Variants in RBFOX1 observed in about 807,000 individuals in gnomAD.
RBFOX1 encodes RNA binding protein fox-1 homolog 1.
Under a neutral mutation model 57.7 loss-of-function variants are expected in RBFOX1, and 8 were observed. That is an observed-to-expected ratio of 0.14 (90% CI 0.08 to 0.25). The LOEUF (loss-of-function observed/expected upper bound fraction) is 0.25. Ranked by LOEUF, RBFOX1 falls within the 10% of genes least tolerant of loss-of-function variation. RBFOX1 has a pLI of 1.00. For missense variants in RBFOX1, 611 were observed against 548.5 expected (o/e 1.11, Z -1.14); for synonymous variants, 326 against 222.4 (o/e 1.47, Z -4.15).
chr16:6,915,032 G>C (rs890116574), intron 3 of RBFOX1, among the ~76,000 whole-genome samples: 1 of 152,198 alleles, frequency 6.6e-6, no homozygotes, highest in Non-Finnish European at 1.5e-5. Flanking sequence ...AGTCGGCTTT[G>C]CTCATCCGTA....
chr16:6,904,970 C>G (rs182518768), intron 3 of RBFOX1, among the ~76,000 whole-genome samples: 2 of 152,096 alleles, frequency 1.3e-5, no homozygotes, highest in Admixed American at 6.5e-5. Context: ...ATGAAGCCTC[C>G]CTGGCAGCCA....
intron 2 of RBFOX1, among the ~76,000 whole-genome samples, chr16:6,504,117 G>GGT (rs1324661600): frequency 6.6e-6 from 1 of 152,138 alleles, no homozygotes; most frequent in African/African-American, 2.4e-5. Context: ...CCAGAGGTAA[G>GGT]GTAGTCAGTA....
intron 3 of RBFOX1, among the ~76,000 whole-genome samples, chr16:6,681,739 A>G (rs2058683658): frequency 6.6e-6 from 1 of 152,086 alleles, no homozygotes; most frequent in Non-Finnish European, 1.5e-5. Flanking sequence ...ATTGATAATA[A>G]TATAATTAAT....
chr16:5,905,279 C>G (rs868500380), intron 4 of RBFOX1, among the ~76,000 whole-genome samples: 1 of 151,634 alleles, frequency 6.6e-6, no homozygotes, highest in Non-Finnish European at 1.5e-5. Flanking sequence ...TCTAGAACTC[C>G]GGACCTCAGG....
chr16:7,366,919 AT>A (rs2097461538), intron 4 of RBFOX1, among the ~76,000 whole-genome samples: 1 of 152,136 alleles, frequency 6.6e-6, no homozygotes, highest in African/African-American at 2.4e-5. Flanking sequence ...AAATCATTTA[AT>A]TTTGAGCATG....
intron 3 of RBFOX1, among the ~76,000 whole-genome samples, chr16:6,706,173 C>T (rs573385718): frequency 6.6e-6 from 1 of 152,296 alleles, no homozygotes; most frequent in South Asian, 2.1e-4. Flanking sequence ...AAACTTTTTA[C>T]TGCTCCCGTG....
chr16:6,361,426 G>A (rs1287509399), intron 2 of RBFOX1, among the ~76,000 whole-genome samples: 3 of 151,934 alleles, frequency 2.0e-5, no homozygotes, highest in Admixed American at 6.6e-5. Context: ...TCAGGAGTTC[G>A]AGACCAGCCT....
At chr16:5,898,324 C>T (rs2058216967) in intron 4 of RBFOX1, among the ~76,000 whole-genome samples, 1 of 152,018 alleles carries the variant, frequency 6.6e-6, no homozygotes, top group African/African-American at 2.4e-5. Context: ...ATGGCCAAAC[C>T]ATGTCAGGGT....
chr16:6,653,543 C>G (rs1318848697), intron 2 of RBFOX1, among the ~76,000 whole-genome samples: 1 of 151,706 alleles, frequency 6.6e-6, no homozygotes. Context: ...CCTTTTCGTA[C>G]CAGGACAACA....
chr16:7,397,731 C>G (rs2098165980), intron 4 of RBFOX1, among the ~76,000 whole-genome samples: 1 of 152,154 alleles, frequency 6.6e-6, no homozygotes, highest in South Asian at 2.1e-4. Flanking sequence ...CATGTGTATT[C>G]ACTCTTAGTT....
intron 5 of RBFOX1, among the ~76,000 whole-genome samples, chr16:7,562,828 A>T (rs1368828599): frequency 6.6e-6 from 1 of 152,238 alleles, no homozygotes; most frequent in Non-Finnish European, 1.5e-5. Flanking sequence ...GAAACACTCT[A>T]TGCCCACTGT....
intron 4 of RBFOX1, among the ~76,000 whole-genome samples, chr16:6,000,256 G>T (rs1041736694): frequency 5.3e-5 from 8 of 152,150 alleles, no homozygotes; most frequent in African/African-American, 1.9e-4. Flanking sequence ...TGGAAGTAGT[G>T]GGACAAACCG....
At chr16:6,886,055 ATT>A (rs71147619) in intron 3 of RBFOX1, among the ~76,000 whole-genome samples, 11 of 144,786 alleles carry the variant, frequency 7.6e-5, no homozygotes, top group African/African-American at 2.3e-4. Flanking sequence ...CAGTGAAAGT[ATT>A]TTTTTTTTCT....
intron 4 of RBFOX1, among the ~76,000 whole-genome samples, chr16:7,101,758 C>G (rs1329128209): frequency 6.6e-6 from 1 of 152,090 alleles, no homozygotes; most frequent in Non-Finnish European, 1.5e-5. Flanking sequence ...GCTCTGATGC[C>G]TGTCCTGGTC....
At chr16:7,540,977 G>C (rs1396313104) in intron 5 of RBFOX1, among the ~76,000 whole-genome samples, 3 of 152,138 alleles carry the variant, frequency 2.0e-5, no homozygotes, top group Non-Finnish European at 2.9e-5. Context: ...GTGCATTGAA[G>C]GTTTAGCTCT....
At chr16:7,327,906 G>T (rs716567) in intron 4 of RBFOX1, among the ~76,000 whole-genome samples, 61,349 of 151,840 alleles carry the variant, frequency 0.4, 15,299 homozygotes, top group African/African-American at 0.71. Context: ...TGCAGGTTGC[G>T]ATGTTGACCG....
chr16:6,937,077 A>G (rs938608696), intron 3 of RBFOX1, among the ~76,000 whole-genome samples: 1 of 152,220 alleles, frequency 6.6e-6, no homozygotes, highest in African/African-American at 2.4e-5. Context: ...ATGTACCCTA[A>G]AACTTAAAGT....
intron 1 of RBFOX1, among the ~76,000 whole-genome samples, chr16:6,111,237 A>C (rs1305998574): frequency 2.0e-5 from 3 of 152,210 alleles, no homozygotes; most frequent in African/African-American, 7.2e-5. Flanking sequence ...ATCAGTCAGA[A>C]CAGAAATGCA....
chr16:6,633,966 G>A (rs927113795), intron 2 of RBFOX1, among the ~76,000 whole-genome samples: 23 of 152,142 alleles, frequency 1.5e-4, no homozygotes, highest in Non-Finnish European at 1.5e-5. Context: ...CATAAGCGAT[G>A]ACCGCACTAC....
Sources: allele counts gnomAD v4.1 joint callset (sites outside exome capture counted in the v4.1 genomes callset), GRCh38; gene constraint gnomAD v4.1.1; transcripts MANE v1.5; gene names NCBI Gene and HGNC (gene_info 2026-07-23, HGNC 2026-07-21).